Variants in NOMO3 observed in about 807,000 individuals in gnomAD.
The protein encoded by NOMO3 is BOS complex subunit NOMO3.
A neutral mutation model predicts 69.9 loss-of-function variants in NOMO3; 15 were observed. The observed-to-expected ratio is 0.21, with a 90% CI of 0.14 to 0.33. NOMO3 has a LOEUF of 0.33. NOMO3 is among the 10% of genes least tolerant of loss of function. The pLI, the probability that NOMO3 is intolerant of heterozygous loss-of-function variation, is 1.00. For missense variants in NOMO3, 218 were observed against 761.0 expected (o/e 0.29, Z 8.39); for synonymous variants, 89 against 301.9 (o/e 0.29, Z 7.31).
intron 12 of NOMO3, among the ~76,000 whole-genome samples, chr16:16,262,861 C>A: frequency 7.0e-6 from 1 of 141,874 alleles, no homozygotes; most frequent in African/African-American, 3.0e-5. Context: ...ACACATCGGT[C>A]TGTTGAGGCT....
rs560407949 is a variant in NOMO3, at chr16:16,237,636, C to T, written c.255+646C>T. Among the ~76,000 whole-genome samples the T allele has an allele frequency of 5.5e-4, 79 of 142,880 alleles. 15 individuals carry two copies. The highest frequency in any genetic ancestry group is 2.1e-3 in the African/African-American group (75 of 35,100). 93.7% of individuals were successfully genotyped at this position (142,880 alleles called of 152,430 possible). A position where few individuals can be genotyped will look rare whatever the true frequency, so the allele number is the denominator to read the frequency against. ...TGATCTTGCCTCACTCCAACCTCCA[C>T]CCCCCAGGTTCAAGCCATTTTCCTT... On this transcript the variant is annotated intron_variant, in intron 2 of 30. Coordinates refer to ENST00000399336, the MANE Select transcript of NOMO3 (RefSeq NM_001004067.4).
chr16:16,257,644 G>T (rs1426330781), intron 11 of NOMO3, among the ~76,000 whole-genome samples: 1 of 142,462 alleles, frequency 7.0e-6, no homozygotes, highest in Non-Finnish European at 1.5e-5. Flanking sequence ...GTGGCCCAGG[G>T]GGGGACCTAG....
intron 1 of NOMO3, chr16:16,236,034 A>G (rs1259079256): frequency 1.2e-5 from 3 of 254,826 alleles, no homozygotes; most frequent in Non-Finnish European, 2.3e-5. Context: ...AGAGTTTTAG[A>G]GAGTCCTTGA....
chr16:16,255,662 G>A lies in NOMO3; in HGVS notation c.964-58G>A, dbSNP rs1457724324. 3.2e-6 allele frequency: 5 copies of A among 1,567,578 alleles called. 1 individual carries two copies. The Admixed American group carries it at 8.6e-5, about 27-fold the overall frequency. On this transcript the variant is annotated intron_variant, in intron 9 of 30. Transcript: ENST00000399336. ...GTGGTGGCCGGCGCAGCAGAAGGAGGCTTTGTGGCTCTGGCACAGGAGCAC... is the reference window on the plus strand; with the variant it reads ...GTGGTGGCCGGCGCAGCAGAAGGAGACTTTGTGGCTCTGGCACAGGAGCAC...
chr16:16,265,666 A>G (rs1219392142), intron 15 of NOMO3, among the ~76,000 whole-genome samples: 14 of 32,630 alleles, frequency 4.3e-4, no homozygotes, highest in African/African-American at 1.1e-3. Flanking sequence ...ATATATATAT[A>G]TATATTTTTT....
At chr16:16,258,723 G>T (rs1419101735) in intron 11 of NOMO3, among the ~76,000 whole-genome samples, 1 of 143,160 alleles carries the variant, frequency 7.0e-6, no homozygotes, top group Non-Finnish European at 1.5e-5. Flanking sequence ...AGGTTGGCGG[G>T]GCATGGTGAT....
Position 16,236,935 on chromosome 16 carries a change from A to G in NOMO3, c.200A>G (p.Tyr67Cys). The part of the protein sequence containing the change: ...KLYTKHGTLK[Y>C]QTDCAPNNGY... ...TACACCAAGCATGGGACTTTGAAAT[A>G]CCAGACAGACTGTGCCCCTAATAAT... The change falls in exon 2 of 31, where the codon TAC becomes TGC. Residue 67 changes from tyrosine to cysteine, a missense_variant. Physicochemically the swap from Tyr to Cys is radical, Grantham distance 194. Transcript: ENST00000399336. 1 of 1,554,080 alleles carries G rather than the reference A, an allele frequency of 6.4e-7. No homozygotes were observed. The highest frequency in any genetic ancestry group is 8.7e-7 in the Non-Finnish European group (1 of 1,148,404).
rs537709060 is a variant in NOMO3 at position 16,250,159 on chromosome 16, A to G, written c.583-769A>G. Among the ~76,000 whole-genome samples the G allele has an allele frequency of 6.6e-3, 916 of 138,776 alleles. 30 individuals are homozygous for G. The highest frequency in any genetic ancestry group is 1.0e-2 in the Non-Finnish European group (665 of 66,668). The allele number at this position is 138,776 out of a possible 152,430, so 91.0% of individuals were successfully genotyped here. A position where few individuals can be genotyped will look rare whatever the true frequency, so the allele number is the denominator to read the frequency against. On this transcript the variant is annotated intron_variant, in intron 6 of 30. Coordinates refer to ENST00000399336, the MANE Select transcript of NOMO3 (RefSeq NM_001004067.4). The stretch of plus-strand genomic sequence containing the variant: ...AGCTGGACGTTTGTCTTATTTGCAC[A>G]TGGTTTGAACAGTTGGCTGCCTGTG...
intron 1 of NOMO3, chr16:16,235,756 C>T (rs1325391080): frequency 2.3e-6 from 1 of 431,046 alleles, no homozygotes; most frequent in Non-Finnish European, 4.6e-6. Flanking sequence ...GATCCTCCTT[C>T]TTTGGCCTCC....
chr16:16,270,137 C>T lies in NOMO3; in HGVS notation c.1911C>T (p.Thr637=). 6 of 1,552,122 alleles carry T rather than the reference C, an allele frequency of 3.9e-6. No individual in the cohort carries two copies. Among genetic ancestry groups the T allele is most frequent in the South Asian group, 1.1e-5 (1 of 87,500 alleles). The change falls in exon 17 of 31, where the codon ACC becomes ACT. Residue 637 remains threonine, a synonymous_variant. Coordinates refer to ENST00000399336, the MANE Select transcript of NOMO3 (RefSeq NM_001004067.4). The part of the protein sequence containing the change: ...CLSKPGVYKV[T]PRSCHRFEQA... ...TGTCTGTAGGTGTGTACAAAGTGAC[C>T]CCTCGCTCCTGCCACCGGTTTGAGC...
chr16:16,238,343 C>T (rs2049347270), intron 2 of NOMO3, among the ~76,000 whole-genome samples: 2 of 136,242 alleles, frequency 1.5e-5, no homozygotes, highest in African/African-American at 6.2e-5. Context: ...AGTGATTCTT[C>T]TGCCTCAGCC....
chr16:16,266,307 T>C (rs2049618906), intron 15 of NOMO3, among the ~76,000 whole-genome samples: 2 of 133,078 alleles, frequency 1.5e-5, no homozygotes, highest in African/African-American at 3.3e-5. Flanking sequence ...TAATATCCGG[T>C]TCATAATAAG....
At position 16,265,084 on chromosome 16, in the gene NOMO3, C is replaced by T; in HGVS notation, c.1711C>T (p.Leu571=). 1 of 1,574,688 alleles carries T rather than the reference C, an allele frequency of 6.4e-7. No individual in the cohort carries two copies. Among genetic ancestry groups the T allele is most frequent in the Non-Finnish European group, 8.5e-7 (1 of 1,172,040 alleles). ...GGATTGGTGCTGGAAGAACAAGAGC[C>T]TGGAGGTGGAAGTGCTGGAGGATGA... ...HEDWCWKNKS[L]EVEVLEDDVS... The change falls in exon 15 of 31, where the codon CTG becomes TTG. Residue 571 remains leucine (L), a synonymous_variant. Coordinates refer to ENST00000399336, the MANE Select transcript of NOMO3 (RefSeq NM_001004067.4).
chr16:16,245,508 G>A lies in NOMO3; in HGVS notation c.509+334G>A, dbSNP rs1366260897. Among the ~76,000 whole-genome samples the A allele has an allele frequency of 1.3e-4, 19 of 143,186 alleles. 3 individuals carry two copies. Among genetic ancestry groups the A allele is most frequent in the Non-Finnish European group, 2.5e-4 (17 of 67,262 alleles). The allele number at this position is 143,186 out of a possible 152,430, so 93.9% of individuals were successfully genotyped here. A position where few individuals can be genotyped will look rare whatever the true frequency, so the allele number is the denominator to read the frequency against. On this transcript the variant is annotated intron_variant, in intron 5 of 30. Coordinates refer to ENST00000399336, the MANE Select transcript of NOMO3 (RefSeq NM_001004067.4). ...GTTCGAGACCAGCCTGGACAACATA[G>A]GGAGACTCAGTCTCCACAAATAATT...
Position 16,256,110 on chromosome 16 carries a change from T to C in NOMO3, c.1172T>C (p.Ile391Thr), listed in dbSNP as rs200640947. Residue 391 changes from isoleucine (I) to threonine (T), a missense_variant, in exon 11 of 31, where the codon ATC becomes ACC. Coordinates refer to ENST00000399336, the MANE Select transcript of NOMO3 (RefSeq NM_001004067.4). ...KEHLYFETVT[I>T]KIAPNTPQLA... ...CACCTCTACTTTGAAACGGTCACCA[T>C]CAAAATTGCACCAAACACACCTCAG... The C allele has an allele frequency of 1.3e-6, 2 of 1,586,816 alleles. No homozygotes were observed. The highest frequency in any genetic ancestry group is 1.7e-6 in the Non-Finnish European group (2 of 1,174,592).
At chr16:16,236,702 A>T (rs1452021359) in intron 1 of NOMO3, among the ~76,000 whole-genome samples, 199 bp from the exon 2 acceptor site, 1 of 144,818 alleles carries the variant, frequency 6.9e-6, no homozygotes, top group African/African-American at 2.7e-5. Flanking sequence ...GGTGGTTTCT[A>T]ATCTGAAAAA....
At chr16:16,248,854 A>T in intron 6 of NOMO3, among the ~76,000 whole-genome samples, 1 of 152,340 alleles carries the variant, frequency 6.6e-6, no homozygotes, top group Middle Eastern at 3.4e-3. Flanking sequence ...AAGAGGGAGG[A>T]GGGGGACTTC....
intron 16 of NOMO3, among the ~76,000 whole-genome samples, chr16:16,269,294 A>C (rs2049643529): frequency 7.1e-6 from 1 of 141,462 alleles, no homozygotes; most frequent in African/African-American, 3.0e-5. Flanking sequence ...TGGATGGTAA[A>C]CTCCATGAAG....
intron 2 of NOMO3, among the ~76,000 whole-genome samples, chr16:16,237,261 G>A (rs938118794): frequency 2.1e-5 from 3 of 144,594 alleles, no homozygotes; most frequent in Non-Finnish European, 4.4e-5. Flanking sequence ...CACCCAGTGA[G>A]TAGTGGCCAG....
Sources: gnomAD v4.1 joint callset for allele counts (sites outside exome capture counted in the v4.1 genomes callset) on GRCh38, gnomAD v4.1.1 for gene constraint, MANE v1.5 for transcripts, NCBI Gene and HGNC (gene_info 2026-07-23, HGNC 2026-07-21) for gene names.